Variants in PCDHGA2 observed in about 807,000 individuals in gnomAD.
PCDHGA2 encodes the protein protocadherin gamma-A2.
PCDHGA2 carries 40 observed loss-of-function variants against 59.2 expected under a neutral mutation model. The observed-to-expected ratio is 0.68, with a 90% CI of 0.52 to 0.88. The LOEUF is 0.88. Among genes scored for constraint, PCDHGA2 ranks in the 40% least tolerant of loss-of-function variants. PCDHGA2 has a pLI of 0.00. For synonymous variants in PCDHGA2, 560 were observed against 526.0 expected (o/e 1.06, Z -0.89); for missense variants, 1,226 against 1,204.0 (o/e 1.02, Z -0.27).
chr5:141,432,864 G>A lies in PCDHGA2; in HGVS notation c.2425-61943G>A. On this transcript the variant is annotated intron_variant, in intron 1 of 3. Coordinates refer to ENST00000394576, the MANE Select transcript of PCDHGA2 (RefSeq NM_018915.4). The surrounding 1 kb of genome is among the most constrained non-coding windows in gnomAD (Gnocchi z 6.0). ...GTGGTAGCGGTGGCCGCGGTCTCCT[G>A]CGTCTTCCTGGCCTTCGTCATCTTG... 6.2e-7 allele frequency: 1 copy of A among 1,614,168 alleles called. No individual in the cohort carries two copies. Among genetic ancestry groups the A allele is most frequent in the South Asian group, 1.1e-5 (1 of 91,084 alleles).
intron 1 of PCDHGA2, chr5:141,412,074 A>G (rs751287485): frequency 2.0e-5 from 3 of 152,184 alleles, no homozygotes; most frequent in Non-Finnish European, 4.4e-5. Context: ...TGAGGGAACA[A>G]TTGCTACTGG....
rs183968443 is a variant in PCDHGA2 at position 141,495,033 on chromosome 5, G to A, written c.2483+168G>A. On this transcript the variant is annotated intron_variant, in intron 2 of 3. Coordinates refer to ENST00000394576, the MANE Select transcript of PCDHGA2 (RefSeq NM_018915.4). ...GGGGCTGGCACACAGACCCCGGAAG[G>A]AAGAGGCGACTGCCCTGACTGTTCA... is the stretch of plus-strand genomic sequence containing the variant. 1.4e-3 allele frequency: 1,380 copies of A among 968,234 alleles called. 4 individuals are homozygous for A. Among genetic ancestry groups the A allele is most frequent in the Middle Eastern group, 5.3e-3 (10 of 1,888 alleles). 60.0% of individuals were successfully genotyped at this position (968,234 alleles called of 1,614,324 possible).
intron 1 of PCDHGA2, among the ~76,000 whole-genome samples, chr5:141,451,001 A>AT (rs1164946963): frequency 2.0e-5 from 3 of 148,376 alleles, no homozygotes; most frequent in South Asian, 2.1e-4. Context: ...ATTTTTTTGT[A>AT]TTTTTTTTAG....
At chr5:141,357,240 T>C in intron 1 of PCDHGA2, 1 of 1,613,702 alleles carries the variant, frequency 6.2e-7, no homozygotes, top group Non-Finnish European at 8.5e-7. Flanking sequence ...GCCTCAAGCC[T>C]TCAGCAGACC....
At position 141,419,598 on chromosome 5, in the gene PCDHGA2, G is replaced by A. The variant is rs1466867194; in HGVS notation, c.2425-75209G>A. On this transcript the variant is annotated intron_variant, in intron 1 of 3. Transcript: ENST00000394576. ...TCCGCGCTCTTCGACACAGTGCCGC[G>A]GGCCGCGCAGCCAGGCTACCTGGTG... 21 of 1,611,674 alleles carry A rather than the reference G, an allele frequency of 1.3e-5. No individual in the cohort carries two copies. In the South Asian group the frequency reaches 1.3e-4, roughly 10 times the overall value.
intron 1 of PCDHGA2, chr5:141,409,995 CG>C: frequency 1.2e-6 from 2 of 1,613,308 alleles, no homozygotes; most frequent in Non-Finnish European, 1.7e-6. Context: ...GACGCCGACT[CG>C]GGACACAACG....
intron 1 of PCDHGA2, chr5:141,351,550 C>T (rs1173991946): frequency 1.2e-5 from 19 of 1,613,940 alleles, no homozygotes; most frequent in Non-Finnish European, 1.5e-5. Context: ...CCCTTTCCTC[C>T]AGGACAAGCA....
intron 1 of PCDHGA2, chr5:141,399,825 C>T (rs1439243162): frequency 1.9e-6 from 3 of 1,613,178 alleles, no homozygotes; most frequent in Non-Finnish European, 2.5e-6. Flanking sequence ...TGGGTCCCGA[C>T]GGCTCTGCGC....
chr5:141,398,835 T>G (rs371527677), intron 1 of PCDHGA2: 60 of 1,613,796 alleles, frequency 3.7e-5, no homozygotes, highest in Non-Finnish European at 4.9e-5. Context: ...CCGACGCCAA[T>G]GATAATCCCC....
In PCDHGA2 at chr5:141,340,265, C is replaced by T. The variant is rs1194744792; in HGVS notation, c.1294C>T (p.Leu432=). 1 of 1,614,190 alleles carries T rather than the reference C, an allele frequency of 6.2e-7. No homozygotes were observed. Among genetic ancestry groups the T allele is most frequent in the East Asian group, 2.2e-5 (1 of 44,874 alleles). The change falls in exon 1 of 4, where the codon CTG becomes TTG. Residue 432 remains leucine (L), a synonymous_variant. Transcript: ENST00000394576. ...CGCTAAAGATGGAGGGAACCCCTCCCTGTCCACGGATGCTCACATTTTGCT... is the reference window on the plus strand; with the variant it reads ...CGCTAAAGATGGAGGGAACCCCTCCTTGTCCACGGATGCTCACATTTTGCT... ...LTAKDGGNPS[L]STDAHILLQV... is the part of the protein sequence containing the mutation.
At chr5:141,397,507 T>C (rs2093532297) in intron 1 of PCDHGA2, among the ~76,000 whole-genome samples, 1 of 152,222 alleles carries the variant, frequency 6.6e-6, no homozygotes, top group Non-Finnish European at 1.5e-5. Flanking sequence ...GATAAAATTG[T>C]TTCCATAGCT....
At chr5:141,500,184 T>TTATA (rs530565701) in intron 2 of PCDHGA2, among the ~76,000 whole-genome samples, 2 of 135,886 alleles carry the variant, frequency 1.5e-5, no homozygotes, top group Non-Finnish European at 3.2e-5. Flanking sequence ...TCATTTTTAT[T>TTATA]TTTATTTATT....
At chr5:141,458,028 G>A (rs1363025110) in intron 1 of PCDHGA2, among the ~76,000 whole-genome samples, 2 of 152,122 alleles carry the variant, frequency 1.3e-5, no homozygotes, top group African/African-American at 4.8e-5. Flanking sequence ...ATTGTGTTCT[G>A]TTGACAAAGA....
At chr5:141,384,536 T>C (rs751421323) in intron 1 of PCDHGA2, 1 of 1,614,204 alleles carries the variant, frequency 6.2e-7, no homozygotes, top group Non-Finnish European at 8.5e-7. Flanking sequence ...AGCAGCAACA[T>C]GTCACTGAGC....
chr5:141,444,152 A>ATTTTTTTTT (rs747671382), intron 1 of PCDHGA2, among the ~76,000 whole-genome samples: 2 of 33,898 alleles, frequency 5.9e-5, no homozygotes, highest in Non-Finnish European at 5.2e-5. Context: ...TGTGTACTGG[A>ATTTTTTTTT]TTTTTTTTTT....
chr5:141,378,619 T>G (rs190214323), intron 1 of PCDHGA2: 1 of 152,306 alleles, frequency 6.6e-6, no homozygotes, highest in African/African-American at 2.4e-5. Context: ...TAAAAATAGA[T>G]GACTGACTGG....
At chr5:141,385,965 G>A (rs368454164) in intron 1 of PCDHGA2, 2 of 152,134 alleles carry the variant, frequency 1.3e-5, no homozygotes, top group Non-Finnish European at 2.9e-5. Flanking sequence ...AAAGGCCATC[G>A]GACAAAACCA....
intron 1 of PCDHGA2, among the ~76,000 whole-genome samples, chr5:141,369,284 A>ACT (rs1230564029): frequency 6.6e-6 from 1 of 152,194 alleles, no homozygotes; most frequent in Non-Finnish European, 1.5e-5. Flanking sequence ...TCACTCCCCA[A>ACT]TCCTAATAAC....
chr5:141,355,264 G>T lies in PCDHGA2; in HGVS notation c.2424+13869G>T, dbSNP rs201894028. ...GCTCCAGATCTGCCTTCTCCTGGGG[G>T]TTCTGGTGGAAATCAGGGCCGAACA... On this transcript the variant is annotated intron_variant, in intron 1 of 3. Transcript: ENST00000394576. 3.3e-4 allele frequency: 530 copies of T among 1,613,600 alleles called. 1 individual carries two copies. In the African/African-American group the frequency reaches 5.9e-3, roughly 18 times the overall value.
Sources: gnomAD v4.1 joint callset for allele counts (sites outside exome capture counted in the v4.1 genomes callset) on GRCh38, gnomAD v4.1.1 for gene constraint, Gnocchi (gnomAD v3.1) non-coding constraint, MANE v1.5 for transcripts, NCBI Gene and HGNC (gene_info 2026-07-23, HGNC 2026-07-21) for gene names.